Variants in MAST4 observed in about 807,000 individuals in gnomAD.
MAST4 encodes microtubule-associated serine/threonine-protein kinase 4.
A neutral mutation model predicts 162.7 loss-of-function variants in MAST4; 89 were observed. The ratio of observed to expected loss-of-function variants is 0.55; its 90% CI spans 0.46 to 0.65. MAST4 has a LOEUF of 0.65. Ranked by LOEUF, MAST4 falls within the 30% of genes least tolerant of loss-of-function variation. The pLI is 0.00. For missense variants in MAST4, 3,153 were observed against 3,374.0 expected (o/e 0.93, Z 1.62); for synonymous variants, 1,479 against 1,361.1 (o/e 1.09, Z -1.91).
intron 1 of MAST4, among the ~76,000 whole-genome samples, chr5:66,745,939 A>G (rs186486314): frequency 8.7e-4 from 132 of 152,332 alleles, no homozygotes; most frequent in African/African-American, 2.9e-3. Context: ...TGATTGTAAC[A>G]GTGATGAATA....
At chr5:66,911,523 G>A (rs1763758190) in intron 4 of MAST4, among the ~76,000 whole-genome samples, 2 of 132,570 alleles carry the variant, frequency 1.5e-5, no homozygotes, top group Admixed American at 8.7e-5. Context: ...GCAAAATAAC[G>A]AGACCCTGTC....
intron 5 of MAST4, among the ~76,000 whole-genome samples, chr5:67,080,055 T>C (rs1282066209): frequency 6.6e-6 from 1 of 152,338 alleles, no homozygotes; most frequent in East Asian, 1.9e-4. Context: ...TAATTCACCA[T>C]TTCTAACCCC....
At chr5:66,814,941 G>A (rs987525047) in intron 3 of MAST4, among the ~76,000 whole-genome samples, 2 of 152,176 alleles carry the variant, frequency 1.3e-5, no homozygotes, top group Non-Finnish European at 2.9e-5. Flanking sequence ...ATAAAATAAC[G>A]TATGGAAGAT....
At chr5:66,855,285 T>TGA (rs1284461607) in intron 3 of MAST4, among the ~76,000 whole-genome samples, 1 of 152,186 alleles carries the variant, frequency 6.6e-6, no homozygotes, top group Admixed American at 6.5e-5. Flanking sequence ...TATTGCCATG[T>TGA]GAGACTCCTG....
chr5:66,629,131 T>C (rs998912607), intron 1 of MAST4, among the ~76,000 whole-genome samples: 12 of 152,178 alleles, frequency 7.9e-5, no homozygotes, highest in African/African-American at 2.9e-4. Flanking sequence ...CTTTCGGAAA[T>C]TGAGCCTGCA....
intron 4 of MAST4, among the ~76,000 whole-genome samples, chr5:67,030,509 A>G (rs1755174814): frequency 1.3e-5 from 2 of 152,160 alleles, no homozygotes; most frequent in South Asian, 4.1e-4. Flanking sequence ...CTCAGAAAAT[A>G]AATACCTTTT....
At chr5:66,826,548 G>A (rs890878476) in intron 3 of MAST4, among the ~76,000 whole-genome samples, 5 of 151,870 alleles carry the variant, frequency 3.3e-5, no homozygotes, top group African/African-American at 1.2e-4. Context: ...GTTTTGTTTT[G>A]TTCTCCTGAT....
Position 66,802,090 on chromosome 5 carries a change from A to G in MAST4, c.642+13296A>G, listed in dbSNP as rs188978003. ...CATTTAAATAAGCCCTCTTATCGCA[A>G]TTAATATTATTGTTTGGTTTATGAT... On this transcript the variant is annotated intron_variant, in intron 3 of 28. Transcript: ENST00000403625. Among the ~76,000 whole-genome samples the G allele has an allele frequency of 5.7e-3, 866 of 152,292 alleles. 9 individuals carry two copies. The highest frequency in any genetic ancestry group is 0.057 in the South Asian group (273 of 4,824).
In MAST4 at chr5:67,166,928, C is replaced by A; in HGVS notation, c.7749C>A (p.Thr2583=). ...ARKQNVGRDV[T]KPSPAPNTDR... ...AACAGAACGTGGGCAGAGACGTGAC[C>A]AAGCCATCCCCAGCCCCAAACACTG... The change falls in exon 29 of 29, where the codon ACC becomes ACA. Residue 2583 remains threonine (T), a synonymous_variant. Transcript: ENST00000403625. The A allele has an allele frequency of 6.2e-7, 1 of 1,611,832 alleles. No homozygotes were observed. The highest frequency in any genetic ancestry group is 1.7e-5 in the Admixed American group (1 of 59,828).
chr5:66,726,684 C>T (rs999978676), intron 1 of MAST4, among the ~76,000 whole-genome samples: 14 of 152,090 alleles, frequency 9.2e-5, no homozygotes, highest in African/African-American at 3.4e-4. Flanking sequence ...GGACCTAGGT[C>T]ATACAGCAGG....
chr5:66,961,464 A>T (rs988909920), intron 4 of MAST4, among the ~76,000 whole-genome samples: 1 of 152,220 alleles, frequency 6.6e-6, no homozygotes, highest in Non-Finnish European at 1.5e-5. Context: ...CATTGGATTT[A>T]TCAGTAAACA....
At position 67,133,584 on chromosome 5, in the gene MAST4, A is replaced by G. The variant is rs965290607; in HGVS notation, c.2164A>G (p.Met722Val). The G allele has an allele frequency of 8.7e-6, 14 of 1,613,408 alleles. No homozygotes were observed. The highest frequency in any genetic ancestry group is 1.3e-5 in the African/African-American group (1 of 74,898). ...FGLSKVGLMS[M>V]TTNLYEGHIE... ...ATTATCTAAGGTGGGACTAATGAGCATGACTACCAACCTTTACGAGGGTCA... is the reference window on the plus strand; with the variant it reads ...ATTATCTAAGGTGGGACTAATGAGCGTGACTACCAACCTTTACGAGGGTCA... Residue 722 changes from methionine to valine, a missense_variant, in exon 17 of 29, where the codon ATG (methionine) becomes GTG (valine). Met to Val is a conservative substitution (Grantham distance 21). Coordinates refer to ENST00000403625, the MANE Select transcript of MAST4 (RefSeq NM_001164664.2).
chr5:67,033,344 T>TGTGTGTGTGTGG (rs528896480), intron 4 of MAST4, among the ~76,000 whole-genome samples: 2 of 125,746 alleles, frequency 1.6e-5, no homozygotes, highest in Admixed American at 1.6e-4. Context: ...TGTGTGTGTG[T>TGTGTGTGTGTGG]GGCTTTTTTT....
At chr5:66,700,781 TTA>T (rs60991449) in intron 1 of MAST4, among the ~76,000 whole-genome samples, 30,762 of 142,506 alleles carry the variant, frequency 0.22, 3,372 homozygotes, top group East Asian at 0.3. Flanking sequence ...AAAAAAAAAA[TTA>T]TATATATATA....
At chr5:67,116,972 C>A (rs985688447) in intron 12 of MAST4, among the ~76,000 whole-genome samples, 19 of 152,320 alleles carry the variant, frequency 1.2e-4, no homozygotes, top group Middle Eastern at 3.4e-3. Context: ...TAAGCCAGCA[C>A]TGCATGCTGT....
chr5:66,713,884 G>C (rs7703306), intron 1 of MAST4, among the ~76,000 whole-genome samples: 56,543 of 151,982 alleles, frequency 0.37, 10,596 homozygotes, highest in Non-Finnish European at 0.39. Flanking sequence ...GTCTAGTTCT[G>C]TCTCAGTGAT....
intron 1 of MAST4, among the ~76,000 whole-genome samples, chr5:66,754,049 A>C (rs1342634825): frequency 6.6e-6 from 1 of 151,976 alleles, no homozygotes; most frequent in East Asian, 1.9e-4. Flanking sequence ...AAAGACAAAA[A>C]CCACATGATT....
intron 4 of MAST4, among the ~76,000 whole-genome samples, chr5:67,027,523 C>T (rs1199777647): frequency 6.6e-6 from 1 of 152,166 alleles, no homozygotes; most frequent in East Asian, 1.9e-4. Context: ...TGATTCTAAC[C>T]ATAGAACTGC....
At chr5:66,955,133 G>A (rs1010621672) in intron 4 of MAST4, among the ~76,000 whole-genome samples, 9 of 150,964 alleles carry the variant, frequency 6.0e-5, no homozygotes, top group Middle Eastern at 3.4e-3. Context: ...TTGAATCCAG[G>A]AGGTGGAGGC....
Sources: gnomAD v4.1 joint callset for allele counts (sites outside exome capture counted in the v4.1 genomes callset) on GRCh38, gnomAD v4.1.1 for gene constraint, MANE v1.5 for transcripts, NCBI Gene and HGNC (gene_info 2026-07-23, HGNC 2026-07-21) for gene names.